Variants in C1QTNF2 observed in about 807,000 individuals in gnomAD.
C1QTNF2 encodes the protein complement C1q tumor necrosis factor-related protein 2.
Under a neutral mutation model 17.4 loss-of-function variants are expected in C1QTNF2, and 15 were observed. That is an observed-to-expected ratio of 0.86 (90% CI 0.58 to 1.33). C1QTNF2 has a LOEUF of 1.33. C1QTNF2 is among the 40% of genes most tolerant of loss of function. C1QTNF2 has a pLI of 0.00. For missense variants in C1QTNF2, 381 were observed against 392.3 expected, an observed-to-expected ratio of 0.97 and a Z score of 0.24; for synonymous variants, 154 against 163.3, an observed-to-expected ratio of 0.94 and a Z score of 0.44.
chr5:160,363,865 G>A (rs1373178337), intron 1 of C1QTNF2, among the ~76,000 whole-genome samples: 2 of 152,228 alleles, frequency 1.3e-5, no homozygotes, highest in Non-Finnish European at 2.9e-5. Flanking sequence ...TGTGCGAGAT[G>A]TGAGGGGTAG....
intron 1 of C1QTNF2, among the ~76,000 whole-genome samples, chr5:160,366,963 G>T (rs1012548106): frequency 8.8e-5 from 13 of 147,536 alleles, no homozygotes; most frequent in Admixed American, 2.7e-4. Context: ...GGCAGAGGCT[G>T]CAGTGAACAG....
rs752654374 is a variant in C1QTNF2, at chr5:160,349,249, G to A, written c.777C>T (p.Leu259=). 1.9e-4 allele frequency: 301 copies of A among 1,614,006 alleles called. No homozygotes were observed. Among genetic ancestry groups the A allele is most frequent in the Non-Finnish European group, 2.5e-4 (295 of 1,180,036 alleles). The change falls in exon 3 of 3, where the codon CTC becomes CTT. Residue 259 remains leucine, a synonymous_variant. Transcript: ENST00000652664. The surrounding 1 kb of genome is among the most constrained non-coding windows in gnomAD (Gnocchi z 4.3). ...TGTCTGTCCAGTAAGGGTCATAGAA[G>A]AGCCCGTTCTGCTCTGAGTAGAAGA... ...LQIFYSEQNG[L]FYDPYWTDSL... is the part of the protein sequence containing the mutation.
chr5:160,355,581 G>A (rs1293155292), intron 1 of C1QTNF2, among the ~76,000 whole-genome samples: 2 of 152,184 alleles, frequency 1.3e-5, no homozygotes, highest in South Asian at 4.1e-4. Flanking sequence ...AGCGCTTCCT[G>A]TGCGCCAGGC....
intron 1 of C1QTNF2, among the ~76,000 whole-genome samples, chr5:160,360,117 G>A (rs558393992): frequency 5.3e-5 from 8 of 152,270 alleles, no homozygotes; most frequent in South Asian, 4.1e-4. Context: ...CTCAGCCAGC[G>A]CCCGCTTTCT....
chr5:160,370,530 C>A lies in C1QTNF2; in HGVS notation c.-28G>T, dbSNP rs752666563. The A allele has an allele frequency of 9.4e-6, 14 of 1,485,704 alleles. No homozygotes were observed. Among genetic ancestry groups the A allele is most frequent in the African/African-American group, 5.9e-5 (4 of 68,170 alleles). 92.0% of individuals were successfully genotyped at this position (1,485,704 alleles called of 1,614,324 possible). A position where few individuals can be genotyped will look rare whatever the true frequency, so the allele number is the denominator to read the frequency against. On this transcript the variant is annotated 5_prime_UTR_variant, in exon 1 of 3. Transcript: ENST00000652664. ...CACTCACCCTCGCGGCTGCCCGCCA[C>A]GTCCAGGGGCGTCCGGAGCAAAGAA...
Position 160,349,486 on chromosome 5 carries a change from G to T in C1QTNF2, c.540C>A (p.Tyr180Ter). Residue 180 changes from tyrosine (Y) to a stop codon, truncating the protein, a stop_gained, in exon 3 of 3, where the codon TAC (tyrosine) becomes TAA (stop). Coordinates refer to ENST00000652664, the MANE Select transcript of C1QTNF2 (RefSeq NM_031908.6). LOFTEE classifies it high-confidence loss of function. This position sits in a 1 kb window ranked among gnomAD's most constrained non-coding sequence, Gnocchi z 4.3. ...AGACGAACTTGCCGCTGGAAGCATT[G>T]TAGTGGCCACCCTCGTTCATCAGAA... ...DKILMNEGGH[Y>*]NASSGKFVCG... The T allele has an allele frequency of 6.2e-7, 1 of 1,614,074 alleles. No homozygotes were observed. Among genetic ancestry groups the T allele is most frequent in the Non-Finnish European group, 8.5e-7 (1 of 1,180,036 alleles).
chr5:160,364,775 G>A (rs1764216835), intron 1 of C1QTNF2, among the ~76,000 whole-genome samples: 1 of 152,160 alleles, frequency 6.6e-6, no homozygotes. Flanking sequence ...AGGGAAGGAT[G>A]GGGTGTTGCC....
intron 1 of C1QTNF2, among the ~76,000 whole-genome samples, chr5:160,362,142 C>T (rs1340995079): frequency 2.6e-5 from 4 of 152,158 alleles, no homozygotes; most frequent in African/African-American, 7.2e-5. Context: ...AGCAATTTGA[C>T]ATGATTAGAG....
chr5:160,357,807 C>T (rs943206662), intron 1 of C1QTNF2, among the ~76,000 whole-genome samples: 9 of 147,380 alleles, frequency 6.1e-5, no homozygotes, highest in Admixed American at 1.4e-4. Flanking sequence ...AGAGAGCCAG[C>T]CGGACGAGAG....
chr5:160,356,637 CCT>C (rs1764056873), intron 1 of C1QTNF2, among the ~76,000 whole-genome samples: 1 of 152,188 alleles, frequency 6.6e-6, no homozygotes, highest in Non-Finnish European at 1.5e-5. Flanking sequence ...GCTTTGTAGT[CCT>C]CACTCAGCCT....
chr5:160,350,248 C>T (rs537938409), intron 2 of C1QTNF2, among the ~76,000 whole-genome samples: 6 of 152,264 alleles, frequency 3.9e-5, no homozygotes, highest in African/African-American at 1.4e-4. Context: ...ATAGGAACAA[C>T]TAAATGCCCA....
chr5:160,349,008 G>T lies in C1QTNF2; in HGVS notation c.*160C>A. 1.2e-6 allele frequency: 1 copy of T among 811,418 alleles called. No homozygotes were observed. The highest frequency in any genetic ancestry group is 1.9e-6 in the Non-Finnish European group (1 of 525,120). 50.3% of individuals were successfully genotyped at this position (811,418 alleles called of 1,614,324 possible). On this transcript the variant is annotated 3_prime_UTR_variant, in exon 3 of 3. Coordinates refer to ENST00000652664, the MANE Select transcript of C1QTNF2 (RefSeq NM_031908.6). This position sits in a 1 kb window ranked among gnomAD's most constrained non-coding sequence, Gnocchi z 4.3. ...AATAGATGGTTGGATGAATAAAAAG[G>T]TTTGGATTTAATGAAGGGGAAAAAA...
intron 2 of C1QTNF2, among the ~76,000 whole-genome samples, chr5:160,354,519 C>T (rs1040819510): frequency 6.8e-6 from 1 of 147,398 alleles, no homozygotes; most frequent in Non-Finnish European, 1.5e-5. Context: ...GCAGAGGTTG[C>T]AGTGAGCTGA....
At chr5:160,352,334 A>G (rs1328394819) in intron 2 of C1QTNF2, among the ~76,000 whole-genome samples, 1 of 152,182 alleles carries the variant, frequency 6.6e-6, no homozygotes, top group East Asian at 1.9e-4. Context: ...CTTTGGGAAA[A>G]GCTGACTTTA....
chr5:160,351,973 C>T (rs1358617291), intron 2 of C1QTNF2, among the ~76,000 whole-genome samples: 3 of 150,246 alleles, frequency 2.0e-5, no homozygotes, highest in East Asian at 1.9e-4. Context: ...TGCAGTGGCG[C>T]GATCATAGCT....
intron 1 of C1QTNF2, among the ~76,000 whole-genome samples, chr5:160,366,480 A>G (rs2910174): frequency 0.61 from 92,007 of 152,034 alleles, 28,080 homozygotes; most frequent in African/African-American, 0.65. Context: ...GACCTGGGTA[A>G]ACCTGGATAG....
At chr5:160,365,437 C>T (rs1220523859) in intron 1 of C1QTNF2, among the ~76,000 whole-genome samples, 1 of 152,138 alleles carries the variant, frequency 6.6e-6, no homozygotes, top group Non-Finnish European at 1.5e-5. Flanking sequence ...CAGGGCCGGG[C>T]ACAATGTCTC....
chr5:160,366,751 C>A (rs1244771658), intron 1 of C1QTNF2, among the ~76,000 whole-genome samples: 1 of 152,046 alleles, frequency 6.6e-6, no homozygotes, highest in South Asian at 2.1e-4. Context: ...AGGCTGAGTG[C>A]GGCGGCTCAC....
intron 1 of C1QTNF2, among the ~76,000 whole-genome samples, chr5:160,357,594 C>T (rs569848525): frequency 6.6e-6 from 1 of 152,242 alleles, no homozygotes; most frequent in South Asian, 2.1e-4. Context: ...ATCTGGGACC[C>T]CCAGAATAGA....
Sources: allele counts gnomAD v4.1 joint callset (sites outside exome capture counted in the v4.1 genomes callset), GRCh38; gene constraint gnomAD v4.1.1; non-coding constraint Gnocchi (gnomAD v3.1); transcripts MANE v1.5; gene names NCBI Gene and HGNC (gene_info 2026-07-23, HGNC 2026-07-21).